Variants in TRHDE observed in about 807,000 individuals in gnomAD.
TRHDE encodes thyrotropin-releasing hormone-degrading ectoenzyme.
TRHDE carries 72 observed loss-of-function variants against 125.7 expected under a neutral mutation model. The ratio of observed to expected loss-of-function variants is 0.57; its 90% CI spans 0.47 to 0.70. The LOEUF is 0.70. Among genes scored for constraint, TRHDE ranks in the 30% least tolerant of loss-of-function variants. The pLI is 0.00. For missense variants in TRHDE, 1,110 were observed against 1,327.1 expected, an observed-to-expected ratio of 0.84 and a Z score of 2.54; for synonymous variants, 509 against 509.1, an observed-to-expected ratio of 1.00 and a Z score of 0.00.
intron 15 of TRHDE, among the ~76,000 whole-genome samples, chr12:72,625,732 C>T (rs1459016602): frequency 6.6e-6 from 1 of 151,836 alleles, no homozygotes; most frequent in Non-Finnish European, 1.5e-5. Flanking sequence ...GGTTATGCAA[C>T]TTGCCAAGAT....
intron 2 of TRHDE, among the ~76,000 whole-genome samples, chr12:72,209,833 T>C (rs1659628352): frequency 1.3e-5 from 2 of 152,230 alleles, no homozygotes. Flanking sequence ...CTTACAGTTA[T>C]CTCTGCTTAT....
At chr12:72,337,210 A>C (rs1312116689) in intron 2 of TRHDE, among the ~76,000 whole-genome samples, 1 of 152,154 alleles carries the variant, frequency 6.6e-6, no homozygotes, top group African/African-American at 2.4e-5. Flanking sequence ...TGGCAGAGAC[A>C]AGTCTCAGGA....
intron 4 of TRHDE, 56 bp downstream of exon 4, chr12:72,469,968 T>C: frequency 6.4e-7 from 1 of 1,556,146 alleles, no homozygotes; most frequent in South Asian, 1.1e-5. Context: ...AAAATGATTT[T>C]GAATACCTAC....
At chr12:72,231,185 G>A (rs893175351) in intron 2 of TRHDE, among the ~76,000 whole-genome samples, 1 of 151,874 alleles carries the variant, frequency 6.6e-6, no homozygotes, top group African/African-American at 2.4e-5. Flanking sequence ...GGACAGGCAT[G>A]AAAATTAAAA....
chr12:72,551,751 G>A (rs1165590496), intron 7 of TRHDE, among the ~76,000 whole-genome samples: 1 of 151,934 alleles, frequency 6.6e-6, no homozygotes, highest in Non-Finnish European at 1.5e-5. Flanking sequence ...CGATAGATAG[G>A]AAAAAACAAA....
intron 6 of TRHDE, among the ~76,000 whole-genome samples, chr12:72,500,601 A>G (rs1016631080): frequency 1.3e-5 from 2 of 152,034 alleles, no homozygotes; most frequent in Admixed American, 6.6e-5. Flanking sequence ...CATGTTGGCC[A>G]GGCTGGTCTC....
At chr12:72,104,453 G>C (rs556871213) in intron 1 of TRHDE, among the ~76,000 whole-genome samples, 1 of 152,248 alleles carries the variant, frequency 6.6e-6, no homozygotes, top group African/African-American at 2.4e-5. Flanking sequence ...ATTAAAGTTA[G>C]AAATTGCCTA....
chr12:72,422,170 T>G (rs1873983031), intron 3 of TRHDE, among the ~76,000 whole-genome samples: 1 of 152,260 alleles, frequency 6.6e-6, no homozygotes, highest in Middle Eastern at 3.4e-3. Context: ...TTCTTTTCAG[T>G]TGGGGTTTTA....
intron 3 of TRHDE, among the ~76,000 whole-genome samples, chr12:72,417,793 A>T (rs1247753401): frequency 6.6e-6 from 1 of 151,926 alleles, no homozygotes; most frequent in Non-Finnish European, 1.5e-5. Context: ...CTCAATACAA[A>T]TATTAATAGG....
intron 6 of TRHDE, among the ~76,000 whole-genome samples, chr12:72,505,764 C>T (rs1191569521): frequency 6.6e-6 from 1 of 152,152 alleles, no homozygotes; most frequent in Non-Finnish European, 1.5e-5. Context: ...ATATATTCCA[C>T]ACCTTATATT....
chr12:72,353,068 T>C (rs897107622), intron 2 of TRHDE, among the ~76,000 whole-genome samples: 3 of 151,614 alleles, frequency 2.0e-5, no homozygotes, highest in Non-Finnish European at 4.4e-5. Context: ...CTAGGACTTG[T>C]TTTTCCCCCA....
intron 3 of TRHDE, among the ~76,000 whole-genome samples, chr12:72,419,633 T>C (rs2135824906): frequency 6.6e-6 from 1 of 152,222 alleles, no homozygotes; most frequent in South Asian, 2.1e-4. Context: ...TTATGAGAAA[T>C]CTGCTCCCAT....
At chr12:72,203,719 T>G (rs991430134) in intron 2 of TRHDE, among the ~76,000 whole-genome samples, 1 of 152,192 alleles carries the variant, frequency 6.6e-6, no homozygotes, top group Non-Finnish European at 1.5e-5. Flanking sequence ...AGAGTTAAAG[T>G]CAATTACCAT....
In TRHDE at chr12:72,110,295, G is replaced by A. The variant is rs114942180; in HGVS notation, n.279+4543G>A. On this transcript the variant is annotated intron_variant and non_coding_transcript_variant, in intron 2 of 4. Transcript: ENST00000548156. Reference sequence around the variant, plus strand: ...TTTTATCTGTAGAGTGCTTTATCCTGTGGGCATTTCATTCCTACAACAGTC... The same window carrying A: ...TTTTATCTGTAGAGTGCTTTATCCTATGGGCATTTCATTCCTACAACAGTC... Among the ~76,000 whole-genome samples, 336 of 152,202 alleles carry A rather than the reference G, an allele frequency of 2.2e-3. 2 individuals are homozygous for A. The highest frequency in any genetic ancestry group is 7.8e-3 in the African/African-American group (325 of 41,536).
chr12:72,539,551 T>A (rs140853756), intron 6 of TRHDE, among the ~76,000 whole-genome samples: 3 of 151,950 alleles, frequency 2.0e-5, no homozygotes, highest in African/African-American at 7.2e-5. Context: ...TGGTACCAAG[T>A]CATGAGGACA....
chr12:72,154,511 A>G (rs1876455971), intron 2 of TRHDE, among the ~76,000 whole-genome samples: 1 of 152,192 alleles, frequency 6.6e-6, no homozygotes, highest in Admixed American at 6.5e-5. Flanking sequence ...ACAATTTGGC[A>G]TGTTTTTGCA....
At chr12:72,293,255 G>A (rs2139436811) in intron 2 of TRHDE, among the ~76,000 whole-genome samples, 1 of 151,538 alleles carries the variant, frequency 6.6e-6, no homozygotes, top group East Asian at 1.9e-4. Flanking sequence ...TTAGTTCTTT[G>A]TCAGATTCAT....
At chr12:72,176,956 G>GT (rs913880064) in intron 2 of TRHDE, among the ~76,000 whole-genome samples, 63 of 150,926 alleles carry the variant, frequency 4.2e-4, no homozygotes, top group Non-Finnish European at 4.6e-4. Context: ...TTTTTTTTGT[G>GT]TTTTTTTTTC....
chr12:72,182,540 C>T (rs1197060369), intron 2 of TRHDE, among the ~76,000 whole-genome samples: 1 of 152,180 alleles, frequency 6.6e-6, no homozygotes, highest in African/African-American at 2.4e-5. Context: ...TTGAAGTTTT[C>T]TTCTAGTAGC....
Sources: gnomAD v4.1 joint callset for allele counts (sites outside exome capture counted in the v4.1 genomes callset) on GRCh38, gnomAD v4.1.1 for gene constraint, MANE v1.5 for transcripts, NCBI Gene and HGNC (gene_info 2026-07-23, HGNC 2026-07-21) for gene names.